Variants in FSIP1 observed in about 807,000 individuals in gnomAD.
The protein encoded by FSIP1 is fibrous sheath-interacting protein 1.
In FSIP1, 65 loss-of-function variants were observed where a neutral mutation model predicts 60.9. The observed-to-expected ratio is 1.07, with a 90% CI of 0.87 to 1.31. The LOEUF (loss-of-function observed/expected upper bound fraction) is 1.31. Ranked by LOEUF, FSIP1 falls within the 40% of genes most tolerant of loss-of-function variation. The pLI is 0.00. For synonymous variants in FSIP1, 209 were observed against 221.2 expected, an observed-to-expected ratio of 0.94 and a Z score of 0.49; for missense variants, 675 against 665.5, an observed-to-expected ratio of 1.01 and a Z score of -0.16.
chr15:39,663,606 A>C (rs1454668474), intron 10 of FSIP1, among the ~76,000 whole-genome samples: 2 of 152,152 alleles, frequency 1.3e-5, no homozygotes, highest in Non-Finnish European at 2.9e-5. Flanking sequence ...GCCTTATAAT[A>C]TAAGGTTAGG....
At chr15:39,740,958 C>A (rs1322869311) in intron 6 of FSIP1, among the ~76,000 whole-genome samples, 3 of 151,672 alleles carry the variant, frequency 2.0e-5, no homozygotes, top group Non-Finnish European at 4.4e-5. Context: ...ATGCTTTATA[C>A]CTGGGGTTTT....
chr15:39,778,499 A>T (rs1283953392), intron 1 of FSIP1, among the ~76,000 whole-genome samples: 1 of 152,224 alleles, frequency 6.6e-6, no homozygotes, highest in Non-Finnish European at 1.5e-5. Context: ...GGCCATCTAG[A>T]AAAAGGTATT....
chr15:39,771,842 T>C (rs369015432), intron 2 of FSIP1, among the ~76,000 whole-genome samples: 24 of 152,204 alleles, frequency 1.6e-4, no homozygotes, highest in African/African-American at 5.8e-4. Flanking sequence ...AATTCCACAA[T>C]ATCCAGTTAA....
intron 4 of FSIP1, among the ~76,000 whole-genome samples, chr15:39,764,295 A>T (rs1396254496): frequency 2.6e-5 from 4 of 152,188 alleles, no homozygotes; most frequent in Non-Finnish European, 5.9e-5. Flanking sequence ...GGAAATAAAA[A>T]CTTGCTTGAG....
intron 1 of FSIP1, 117 bp downstream of exon 1, chr15:39,782,511 T>C (rs1025348087): frequency 4.1e-5 from 6 of 145,592 alleles, no homozygotes; most frequent in Non-Finnish European, 9.0e-5. Flanking sequence ...ATTGGCCCTG[T>C]CCGCTCTCCC....
At chr15:39,660,438 G>A (rs1340815366) in intron 10 of FSIP1, among the ~76,000 whole-genome samples, 1 of 152,196 alleles carries the variant, frequency 6.6e-6, no homozygotes, top group African/African-American at 2.4e-5. Flanking sequence ...GAGTATTTAT[G>A]ATGTTGTAAC....
At chr15:39,615,904 A>T (rs1340546856) in intron 11 of FSIP1, among the ~76,000 whole-genome samples, 1 of 152,146 alleles carries the variant, frequency 6.6e-6, no homozygotes, top group African/African-American at 2.4e-5. Context: ...AACTACAGTC[A>T]TTAATCACAT....
chr15:39,720,923 T>C (rs2140574912), intron 9 of FSIP1, among the ~76,000 whole-genome samples: 1 of 152,328 alleles, frequency 6.6e-6, no homozygotes, highest in South Asian at 2.1e-4. Flanking sequence ...CAACCACATA[T>C]TATTCACACT....
intron 10 of FSIP1, among the ~76,000 whole-genome samples, chr15:39,618,471 A>G (rs1891321903): frequency 6.6e-6 from 1 of 151,012 alleles, no homozygotes; most frequent in South Asian, 2.1e-4. Flanking sequence ...CTCAGCATGA[A>G]TCCCACCACC....
chr15:39,698,689 G>A (rs1894926346), intron 10 of FSIP1, among the ~76,000 whole-genome samples: 1 of 152,190 alleles, frequency 6.6e-6, no homozygotes. Flanking sequence ...CAATGCTGGT[G>A]GATGGCGTAA....
At position 39,675,121 on chromosome 15, in the gene FSIP1, C is replaced by T. The variant is rs986062342; in HGVS notation, c.1188+38323G>A. On this transcript the variant is annotated intron_variant, in intron 10 of 11. Coordinates refer to ENST00000350221, the MANE Select transcript of FSIP1 (RefSeq NM_152597.5). ...GACCTCATTAGTGATCAGGGAAATG[C>T]ACATCAATTATAAACTCACATAATT... Among the ~76,000 whole-genome samples, 20 of 152,106 alleles carry T rather than the reference C, an allele frequency of 1.3e-4. 1 individual carries two copies. The South Asian group carries it at 3.1e-3, about 24-fold the overall frequency.
intron 11 of FSIP1, among the ~76,000 whole-genome samples, chr15:39,614,538 G>A (rs145880720): frequency 0.014 from 2,159 of 151,886 alleles, 26 homozygotes; most frequent in Non-Finnish European, 0.022. Flanking sequence ...TTGGCTACTC[G>A]GGAGGCTGAG....
At chr15:39,653,141 A>G (rs1595576384) in intron 10 of FSIP1, among the ~76,000 whole-genome samples, 1 of 148,408 alleles carries the variant, frequency 6.7e-6, no homozygotes, top group South Asian at 2.1e-4. Context: ...ACGCCAGTGC[A>G]CCGTAGCCTG....
chr15:39,627,673 A>G (rs1049341063), intron 10 of FSIP1, among the ~76,000 whole-genome samples: 2 of 152,158 alleles, frequency 1.3e-5, no homozygotes, highest in Non-Finnish European at 2.9e-5. Flanking sequence ...AGTCACCCAC[A>G]TGGCATCTCT....
At chr15:39,617,294 T>C (rs1891266357) in intron 11 of FSIP1, among the ~76,000 whole-genome samples, 4 of 152,134 alleles carry the variant, frequency 2.6e-5, no homozygotes, top group Admixed American at 2.6e-4. Context: ...AACATAGGAG[T>C]GGCTCAGGAG....
At chr15:39,671,479 A>G (rs958010619) in intron 10 of FSIP1, among the ~76,000 whole-genome samples, 1 of 152,192 alleles carries the variant, frequency 6.6e-6, no homozygotes, top group Non-Finnish European at 1.5e-5. Flanking sequence ...TAATTTGGTT[A>G]TATTTTAAAA....
intron 5 of FSIP1, among the ~76,000 whole-genome samples, chr15:39,746,225 T>C (rs1166730269): frequency 6.6e-6 from 1 of 151,938 alleles, no homozygotes; most frequent in Non-Finnish European, 1.5e-5. Context: ...AGAAAAGCAA[T>C]CAGTGGTCAT....
In FSIP1 at chr15:39,617,845, C is replaced by A; in HGVS notation, c.1589G>T (p.Gly530Val). 6.2e-7 allele frequency: 1 copy of A among 1,614,080 alleles called. No homozygotes were observed. Among genetic ancestry groups the A allele is most frequent in the Non-Finnish European group, 8.5e-7 (1 of 1,180,002 alleles). ...DYFMSKTLGI[G>V]RLKRPSFLDD... ...TAAGAAGGAGGGCCTTTTCAGTCTC[C>A]CAATGCCAAGAGTCTTCGACATAAA... The change falls in exon 11 of 12, where the codon GGG becomes GTG. Residue 530 changes from glycine (G) to valine (V), a missense_variant. Gly to Val is a moderately radical substitution (Grantham distance 109). Coordinates refer to ENST00000350221, the MANE Select transcript of FSIP1 (RefSeq NM_152597.5).
intron 11 of FSIP1, among the ~76,000 whole-genome samples, chr15:39,607,814 T>A (rs1181899718): frequency 2.0e-5 from 3 of 152,180 alleles, no homozygotes. Context: ...AATAAATGGC[T>A]TTTCTTATTT....
Sources: allele counts gnomAD v4.1 joint callset (sites outside exome capture counted in the v4.1 genomes callset), GRCh38; gene constraint gnomAD v4.1.1; transcripts MANE v1.5; gene names NCBI Gene and HGNC (gene_info 2026-07-23, HGNC 2026-07-21).